UBE2E2: variants seen among roughly 807,000 people sequenced by gnomAD.
The protein encoded by UBE2E2 is ubiquitin-conjugating enzyme E2 E2.
A neutral mutation model predicts 24.7 loss-of-function variants in UBE2E2; 6 were observed. That is an observed-to-expected ratio of 0.24 (90% confidence interval 0.13 to 0.48). The LOEUF (loss-of-function observed/expected upper bound fraction) is 0.48, where lower values mean the gene tolerates loss of function less well. Among genes scored for constraint, UBE2E2 ranks in the 20% least tolerant of loss-of-function variants. The pLI is 0.99. For missense variants in UBE2E2, 169 were observed against 245.0 expected, an observed-to-expected ratio of 0.69 and a Z score of 2.07; for synonymous variants, 104 against 83.6, an observed-to-expected ratio of 1.24 and a Z score of -1.33.
At chr3:23,212,654 T>C (rs984928913) in intron 2 of UBE2E2, among the ~76,000 whole-genome samples, 1 of 152,124 alleles carries the variant, frequency 6.6e-6, no homozygotes, top group African/African-American at 2.4e-5. Flanking sequence ...TCCACTGTAT[T>C]CCAGTTTGAA....
intron 3 of UBE2E2, among the ~76,000 whole-genome samples, chr3:23,383,144 T>C (rs1354290800): frequency 1.3e-5 from 2 of 152,150 alleles, no homozygotes; most frequent in Non-Finnish European, 2.9e-5. Flanking sequence ...TGGGTGATAA[T>C]TGATTGGATG....
At chr3:23,277,206 T>G (rs1698392268) in intron 3 of UBE2E2, among the ~76,000 whole-genome samples, 1 of 152,124 alleles carries the variant, frequency 6.6e-6, no homozygotes, top group Admixed American at 6.5e-5. Context: ...GAAGCTGCAT[T>G]AAATACAAAA....
chr3:23,336,008 GTGAT>G (rs1177793951), intron 3 of UBE2E2, among the ~76,000 whole-genome samples: 3 of 152,192 alleles, frequency 2.0e-5, no homozygotes, highest in Non-Finnish European at 2.9e-5. Context: ...TCAGACATGA[GTGAT>G]TAAAGTAAGA....
At chr3:23,333,114 T>G (rs1043963470) in intron 3 of UBE2E2, among the ~76,000 whole-genome samples, 1 of 152,168 alleles carries the variant, frequency 6.6e-6, no homozygotes, top group Non-Finnish European at 1.5e-5. Flanking sequence ...AATTTCAGCC[T>G]TAATCTGAAA....
chr3:23,208,967 T>G, intron 2 of UBE2E2, 92 bp downstream of exon 2: 2 of 1,323,268 alleles, frequency 1.5e-6, no homozygotes, highest in South Asian at 1.6e-5. Flanking sequence ...TTTTCTGGGA[T>G]GTCGGCCGTG....
intron 3 of UBE2E2, among the ~76,000 whole-genome samples, chr3:23,342,374 C>A (rs775402557): frequency 2.0e-5 from 3 of 151,986 alleles, no homozygotes; most frequent in African/African-American, 4.8e-5. Context: ...GGAGTTTCTC[C>A]ATGTTGCCCA....
intron 3 of UBE2E2, among the ~76,000 whole-genome samples, chr3:23,317,499 A>G (rs1453514586): frequency 6.6e-6 from 1 of 152,190 alleles, no homozygotes; most frequent in East Asian, 1.9e-4. Context: ...ACTGCTGATA[A>G]TAACATACCG....
At chr3:23,567,017 C>G (rs552470769) in intron 5 of UBE2E2, among the ~76,000 whole-genome samples, 5 of 152,294 alleles carry the variant, frequency 3.3e-5, no homozygotes, top group Admixed American at 1.3e-4. Flanking sequence ...TGCCTGGTCT[C>G]TCACAAATTT....
At chr3:23,513,076 T>G (rs759123322) in intron 4 of UBE2E2, among the ~76,000 whole-genome samples, 1 of 152,190 alleles carries the variant, frequency 6.6e-6, no homozygotes, top group Non-Finnish European at 1.5e-5. Flanking sequence ...ATTACAGTAG[T>G]TTGTTCAACA....
intron 3 of UBE2E2, among the ~76,000 whole-genome samples, chr3:23,238,703 C>T (rs1697180746): frequency 6.6e-6 from 1 of 152,176 alleles, no homozygotes; most frequent in African/African-American, 2.4e-5. Flanking sequence ...TGGCCTAAGT[C>T]TAAACATGAA....
At chr3:23,408,462 T>C (rs374793768) in intron 3 of UBE2E2, among the ~76,000 whole-genome samples, 5 of 152,312 alleles carry the variant, frequency 3.3e-5, no homozygotes, top group Admixed American at 2.0e-4. Flanking sequence ...TGCAGCAGTT[T>C]TTCTCAGTAG....
chr3:23,458,416 TGG>T (rs1409095571), intron 3 of UBE2E2, among the ~76,000 whole-genome samples: 4 of 146,014 alleles, frequency 2.7e-5, no homozygotes, highest in African/African-American at 1.0e-4. Flanking sequence ...GTGGTGGTGG[TGG>T]TGGTGGTGGT....
chr3:23,558,883 A>G (rs1695852967), intron 5 of UBE2E2, among the ~76,000 whole-genome samples: 1 of 152,166 alleles, frequency 6.6e-6, no homozygotes, highest in South Asian at 2.1e-4. Flanking sequence ...CAACATAGCA[A>G]GACCCCATTT....
chr3:23,326,809 GC>G (rs2125295994), intron 3 of UBE2E2, among the ~76,000 whole-genome samples: 1 of 152,296 alleles, frequency 6.6e-6, no homozygotes, highest in East Asian at 1.9e-4. Flanking sequence ...ATCTCCTAAT[GC>G]TGTCCCTCCC....
chr3:23,442,346 T>G (rs1298834119), intron 3 of UBE2E2, among the ~76,000 whole-genome samples: 8 of 150,316 alleles, frequency 5.3e-5, no homozygotes, highest in Non-Finnish European at 2.9e-5. Flanking sequence ...AGCATTAATC[T>G]CCCACCCAAC....
In UBE2E2 at chr3:23,208,749, G is replaced by A; in HGVS notation, c.50G>A (p.Gly17Glu). 1 of 1,613,678 alleles carries A rather than the reference G, an allele frequency of 6.2e-7. No individual in the cohort carries two copies. Among genetic ancestry groups the A allele is most frequent in the Non-Finnish European group, 8.5e-7 (1 of 1,179,782 alleles). Residue 17 changes from glycine to glutamate, a missense_variant, in exon 2 of 6, where the codon GGA (glycine) becomes GAA (glutamate). By Grantham distance (98) the Gly-to-Glu change is moderately conservative. This residue lies in a region of UBE2E2 where 64 missense variants were observed against 64.3 expected (regional missense o/e 1.00). Coordinates refer to ENST00000396703, the MANE Select transcript of UBE2E2 (RefSeq NM_152653.4). ...GATGACAGTCCAAGCACTAGTGGAG[G>A]AAGTTCCGATGGAGATCAACGTGAA... The part of the protein sequence containing the change: ...RVDDSPSTSG[G>E]SSDGDQRESV...
At chr3:23,360,320 C>G (rs1422614995) in intron 3 of UBE2E2, among the ~76,000 whole-genome samples, 1 of 152,026 alleles carries the variant, frequency 6.6e-6, no homozygotes, top group Non-Finnish European at 1.5e-5. Context: ...AAAGTGAGTC[C>G]TTTCTCCCTA....
chr3:23,293,108 G>A (rs1698812648), intron 3 of UBE2E2, among the ~76,000 whole-genome samples: 1 of 152,190 alleles, frequency 6.6e-6, no homozygotes, highest in African/African-American at 2.4e-5. Context: ...CCTTTTTGTG[G>A]TGGTGGTTGT....
intron 3 of UBE2E2, among the ~76,000 whole-genome samples, chr3:23,430,750 G>A (rs1296075764): frequency 1.3e-5 from 2 of 152,040 alleles, no homozygotes; most frequent in Admixed American, 1.3e-4. Context: ...TGAACTCCTT[G>A]CCTCAAGGAA....
Sources: gnomAD v4.1 joint callset for allele counts (sites outside exome capture counted in the v4.1 genomes callset) on GRCh38, gnomAD v4.1.1 for gene constraint, gnomAD v4.1.1 regional missense constraint, MANE v1.5 for transcripts, NCBI Gene and HGNC (gene_info 2026-07-23, HGNC 2026-07-21) for gene names.